ITGA2: variants seen among roughly 807,000 people sequenced by gnomAD.
ITGA2 encodes integrin subunit alpha 2.
ITGA2 carries 101 observed loss-of-function variants against 146.3 expected under a neutral mutation model. The ratio of observed to expected loss-of-function variants is 0.69; its 90% CI spans 0.59 to 0.81. The LOEUF (loss-of-function observed/expected upper bound fraction) is 0.81. ITGA2 is among the 40% of genes least tolerant of loss of function. The probability of loss-of-function intolerance (pLI) is 0.00; values close to 1 mark genes in which losing one functional copy is unlikely to be tolerated. For missense variants in ITGA2, 1,281 were observed against 1,402.7 expected, an observed-to-expected ratio of 0.91 and a Z score of 1.39; for synonymous variants, 477 against 487.1, an observed-to-expected ratio of 0.98 and a Z score of 0.27.
intron 12 of ITGA2, among the ~76,000 whole-genome samples, chr5:53,062,556 C>G (rs2111967282): frequency 6.6e-6 from 1 of 151,904 alleles, no homozygotes; most frequent in African/African-American, 2.4e-5. Flanking sequence ...ATCTGTATTT[C>G]AAAGGCATTT....
At position 53,032,774 on chromosome 5, in the gene ITGA2, A is replaced by G. The variant is rs574270211; in HGVS notation, c.185+5906A>G. On this transcript the variant is annotated intron_variant, in intron 2 of 29. Transcript: ENST00000296585. ...TGTTTCCTGGGCAAAGATGATAGTT[A>G]CCATCCATCTTTTCATCCTATCATA... Among the ~76,000 whole-genome samples, 5 of 152,320 alleles carry G rather than the reference A, an allele frequency of 3.3e-5. No homozygotes were observed. In the East Asian group the frequency reaches 9.6e-4, roughly 29 times the overall value.
intron 4 of ITGA2, among the ~76,000 whole-genome samples, chr5:53,047,945 T>C (rs1744167610): frequency 6.6e-6 from 1 of 152,196 alleles, no homozygotes; most frequent in South Asian, 2.1e-4. Context: ...TTTACAACAA[T>C]CTTAAAAGAT....
intron 10 of ITGA2, among the ~76,000 whole-genome samples, chr5:53,059,499 T>C (rs1744803421): frequency 6.6e-6 from 1 of 151,940 alleles, no homozygotes. Flanking sequence ...TGAGCTTTCC[T>C]TATAAATATG....
intron 7 of ITGA2, among the ~76,000 whole-genome samples, chr5:53,053,023 C>G (rs142956266): frequency 1.3e-5 from 2 of 152,144 alleles, no homozygotes; most frequent in Non-Finnish European, 2.9e-5. Context: ...TGGCCTTATT[C>G]TTTTCCCTAC....
rs1299691982 is a variant in ITGA2 at position 53,038,001 on chromosome 5, TA to T, written c.186-4110del. On this transcript the variant is annotated intron_variant, in intron 2 of 29. Transcript: ENST00000296585. Reference sequence around the variant, plus strand: ...ACTTTTCTCTTCTTTCTGATTAAATTAGAAGAGCTGCAGTTTTCACAGAGGT... The same window carrying T: ...ACTTTTCTCTTCTTTCTGATTAAATTGAAGAGCTGCAGTTTTCACAGAGGT... Among the ~76,000 whole-genome samples the T allele has an allele frequency of 5.9e-5, 9 of 152,292 alleles. No individual in the cohort carries two copies. In the East Asian group the frequency reaches 1.7e-3, roughly 29 times the overall value.
intron 14 of ITGA2, 79 bp downstream of exon 14, chr5:53,065,194 T>C: frequency 7.3e-7 from 1 of 1,366,870 alleles, no homozygotes. Context: ...ATGTAAACCA[T>C]GCAATCCGTC....
At chr5:53,083,304 T>C in intron 26 of ITGA2, 36 bp from the exon 27 acceptor site, 1 of 1,298,596 alleles carries the variant, frequency 7.7e-7, no homozygotes, top group Non-Finnish European at 1.1e-6. Context: ...TCTTACTAAC[T>C]TGCTCTCTCT....
intron 4 of ITGA2, 116 bp from the exon 5 acceptor site, chr5:53,048,247 G>T: frequency 1.2e-6 from 1 of 823,428 alleles, no homozygotes; most frequent in South Asian, 1.4e-5. Context: ...GTTTTGAGTT[G>T]ACAATTATTA....
chr5:53,040,816 C>G (rs2111879691), intron 2 of ITGA2, among the ~76,000 whole-genome samples: 1 of 152,208 alleles, frequency 6.6e-6, no homozygotes, highest in South Asian at 2.1e-4. Flanking sequence ...GCTATTCTGT[C>G]TGCTAATACT....
Position 53,094,278 on chromosome 5 carries a change from C to T in ITGA2, c.*3679C>T, listed in dbSNP as rs890811702. 5 of 152,008 alleles carry T rather than the reference C, an allele frequency of 3.3e-5. No homozygotes were observed. The highest frequency in any genetic ancestry group is 1.2e-4 in the African/African-American group (5 of 41,406). 9.4% of individuals were successfully genotyped at this position (152,008 alleles called of 1,614,324 possible). A position where few individuals can be genotyped will look rare whatever the true frequency, so the allele number is the denominator to read the frequency against. ...TAAACCTCTAGAGGTGAATGAGAAA[C>T]ATGGGGGAAAAGTATGAAATAGGTG... On this transcript the variant is annotated 3_prime_UTR_variant, in exon 30 of 30. Coordinates refer to ENST00000296585, the MANE Select transcript of ITGA2 (RefSeq NM_002203.4).
chr5:53,079,483 G>T (rs1745814385), intron 24 of ITGA2, among the ~76,000 whole-genome samples: 1 of 152,060 alleles, frequency 6.6e-6, no homozygotes, highest in Non-Finnish European at 1.5e-5. Context: ...ACCAGTTAAA[G>T]ATAAATTAAT....
At chr5:53,015,168 G>C (rs1742340873) in intron 1 of ITGA2, among the ~76,000 whole-genome samples, 1 of 152,060 alleles carries the variant, frequency 6.6e-6, no homozygotes, top group South Asian at 2.1e-4. Context: ...TGTTGTTCTA[G>C]CTCCCATTGG....
chr5:53,043,677 A>G (rs1743915752), intron 3 of ITGA2, among the ~76,000 whole-genome samples: 1 of 152,228 alleles, frequency 6.6e-6, no homozygotes, highest in Non-Finnish European at 1.5e-5. Flanking sequence ...AGATTTTTCT[A>G]GTAAACAAGA....
At chr5:53,042,755 A>T (rs1415788319) in intron 3 of ITGA2, among the ~76,000 whole-genome samples, 1 of 152,188 alleles carries the variant, frequency 6.6e-6, no homozygotes, top group Non-Finnish European at 1.5e-5. Flanking sequence ...GTTCAAGGGT[A>T]GACAGCTAAA....
intron 17 of ITGA2, 41 bp downstream of exon 17, chr5:53,070,301 T>G (rs373537964): frequency 6.2e-7 from 1 of 1,607,002 alleles, no homozygotes; most frequent in Non-Finnish European, 8.5e-7. Flanking sequence ...TATTTCTTCC[T>G]AAAGACGAGA....
At position 53,090,663 on chromosome 5, in the gene ITGA2, A is replaced by C; in HGVS notation, c.*64A>C. The C allele has an allele frequency of 8.0e-7, 1 of 1,252,112 alleles. No individual in the cohort carries two copies. Among genetic ancestry groups the C allele is most frequent in the South Asian group, 1.2e-5 (1 of 83,836 alleles). The allele number at this position is 1,252,112 out of a possible 1,614,324, so 77.6% of individuals were successfully genotyped here. A position where few individuals can be genotyped will look rare whatever the true frequency, so the allele number is the denominator to read the frequency against. ...CAGCCAGGGTTTGCTGTTTGCGTGA[A>C]TGGATTTCTTTTTAAATCCCATATT... On this transcript the variant is annotated 3_prime_UTR_variant, in exon 30 of 30. Transcript: ENST00000296585.
intron 1 of ITGA2, 133 bp downstream of exon 1, chr5:52,989,665 C>T (rs977757430): frequency 2.3e-5 from 22 of 939,162 alleles, no homozygotes; most frequent in African/African-American, 4.8e-5. Flanking sequence ...ACTCGGGCTC[C>T]CAGCCACCAG....
At chr5:53,076,356 C>A (rs1194763640) in intron 23 of ITGA2, among the ~76,000 whole-genome samples, 1 of 151,882 alleles carries the variant, frequency 6.6e-6, no homozygotes, top group African/African-American at 2.4e-5. Context: ...GCTCTCTGAG[C>A]AAAAACAAAA....
intron 2 of ITGA2, among the ~76,000 whole-genome samples, chr5:53,036,601 C>T (rs1743503059): frequency 6.6e-6 from 1 of 152,070 alleles, no homozygotes; most frequent in Non-Finnish European, 1.5e-5. Flanking sequence ...CTGACCATTC[C>T]GATGAAGATT....
Sources: gnomAD v4.1 joint callset for allele counts (sites outside exome capture counted in the v4.1 genomes callset) on GRCh38, gnomAD v4.1.1 for gene constraint, MANE v1.5 for transcripts, NCBI Gene and HGNC (gene_info 2026-07-23, HGNC 2026-07-21) for gene names.